AHCTF1: variants seen among roughly 807,000 people sequenced by gnomAD.
The protein encoded by AHCTF1 is protein ELYS.
AHCTF1 carries 24 observed loss-of-function variants against 248.4 expected under a neutral mutation model. That is an observed-to-expected ratio of 0.10 (90% CI 0.07 to 0.14). The LOEUF (loss-of-function observed/expected upper bound fraction) is 0.14. AHCTF1 is among the 10% of genes least tolerant of loss of function. The probability of loss-of-function intolerance (pLI) is 1.00; values close to 1 mark genes in which losing one functional copy is unlikely to be tolerated. For synonymous variants in AHCTF1, 786 were observed against 929.8 expected (o/e 0.85, Z 2.81); for missense variants, 2,206 against 2,636.2 (o/e 0.84, Z 3.57).
rs991038022 is a variant in AHCTF1 at position 246,900,114 on chromosome 1, A to T, written c.1383T>A (p.Pro461=). ...AAAACTGCTCGGGAGGTGGATATGA[A>T]GGAGGGACTCCTCTATTTAAACTTC... is the stretch of plus-strand genomic sequence containing the variant. ...HERSLNRGVP[P]SYPPPEQFFN... Residue 461 remains proline, a synonymous_variant, in exon 10 of 36, where the codon CCT becomes CCA. Transcript: ENST00000648844. 12 of 1,607,612 alleles carry T rather than the reference A, an allele frequency of 7.5e-6. No homozygotes were observed. Among genetic ancestry groups the T allele is most frequent in the Admixed American group, 1.7e-5 (1 of 58,524 alleles).
intron 3 of AHCTF1, among the ~76,000 whole-genome samples, chr1:246,915,436 C>A (rs1029853290): frequency 1.3e-5 from 2 of 152,094 alleles, no homozygotes; most frequent in African/African-American, 2.4e-5. Flanking sequence ...ATTCTTCCTT[C>A]CCCTCATCCC....
chr1:246,874,535 G>C (rs1280429188), intron 24 of AHCTF1, among the ~76,000 whole-genome samples: 3 of 152,134 alleles, frequency 2.0e-5, no homozygotes, highest in Admixed American at 1.3e-4. Context: ...ACTTGACATG[G>C]TGGTCATGAA....
chr1:246,877,413 T>C, intron 21 of AHCTF1, 111 bp from the exon 22 acceptor site: 1 of 1,192,764 alleles, frequency 8.4e-7, no homozygotes, highest in East Asian at 2.7e-5. Flanking sequence ...TCTTTATAAA[T>C]AATTGAAAAG....
At position 246,849,837 on chromosome 1, in the gene AHCTF1, G is replaced by T. The variant is rs1340435375; in HGVS notation, c.6169C>A (p.Gln2057Lys). ...KLTKKTESQS[Q>K]KRSLHSVSEE... Reference sequence around the variant, plus strand: ...GATACTGAGTGCAATGAACGTTTTTGGCTTTGACTTTCAGTCTTTTTTGTA... The same window carrying T: ...GATACTGAGTGCAATGAACGTTTTTTGCTTTGACTTTCAGTCTTTTTTGTA... The change falls in exon 33 of 36, where the codon CAA becomes AAA. Residue 2057 changes from glutamine to lysine, a missense_variant. By Grantham distance (53) the Gln-to-Lys change is moderately conservative. Transcript: ENST00000648844. 2.5e-6 allele frequency: 4 copies of T among 1,613,802 alleles called. No individual in the cohort carries two copies. The highest frequency in any genetic ancestry group is 3.4e-6 in the Non-Finnish European group (4 of 1,179,850).
chr1:246,890,924 A>C (rs1224234976), intron 16 of AHCTF1, 32 bp downstream of exon 16: 1 of 1,316,340 alleles, frequency 7.6e-7, no homozygotes, highest in African/African-American at 1.5e-5. Context: ...GAATGTTTTA[A>C]TTAATACTTA....
In AHCTF1 at chr1:246,931,580, G is replaced by C. The variant is rs1667365900; in HGVS notation, c.-10C>G. The C allele has an allele frequency of 5.4e-6, 1 of 185,698 alleles. No homozygotes were observed. 11.5% of individuals were successfully genotyped at this position (185,698 alleles called of 1,614,324 possible). ...CCCCCTCCCTCCCTTCCCCCTACCT[G>C]AACGGGGCGGGTGAGCGCGCCGCCG... On this transcript the variant is annotated splice_region_variant and 5_prime_UTR_variant, in exon 1 of 36. Transcript: ENST00000648844.
chr1:246,894,021 T>C (rs1664396286), intron 14 of AHCTF1, among the ~76,000 whole-genome samples: 1 of 152,026 alleles, frequency 6.6e-6, no homozygotes, highest in African/African-American at 2.4e-5. Context: ...CTAGGCAATA[T>C]AGTGAGACCA....
intron 27 of AHCTF1, among the ~76,000 whole-genome samples, 156 bp downstream of exon 27, chr1:246,863,768 C>T (rs940829901): frequency 2.6e-5 from 4 of 152,150 alleles, no homozygotes; most frequent in African/African-American, 9.7e-5. Context: ...TTAATTAGCT[C>T]CGTTTTTAGA....
rs1163931007 is a variant in AHCTF1 at position 246,884,128 on chromosome 1, AAC to A, written c.2660+1363_2660+1364del. Among the ~76,000 whole-genome samples the A allele has an allele frequency of 7.9e-5, 12 of 152,332 alleles. No individual in the cohort carries two copies. The South Asian group carries it at 2.5e-3, about 32-fold the overall frequency. The stretch of plus-strand genomic sequence containing the variant: ...ACTAGAACTCTTAACCCATTTATTC[AAC>A]AGTTACCACATTTAGCTTCTTTATT... On this transcript the variant is annotated intron_variant, in intron 21 of 35. Coordinates refer to ENST00000648844, the MANE Select transcript of AHCTF1 (RefSeq NM_001323342.2).
At chr1:246,844,290 C>G (rs1389877658) in intron 33 of AHCTF1, among the ~76,000 whole-genome samples, 1 of 152,210 alleles carries the variant, frequency 6.6e-6, no homozygotes, top group East Asian at 1.9e-4. Flanking sequence ...CTGAGCTAGT[C>G]TGTGCCATAA....
intron 33 of AHCTF1, among the ~76,000 whole-genome samples, chr1:246,845,047 G>C (rs187287311): frequency 4.9e-4 from 74 of 152,046 alleles, no homozygotes; most frequent in Middle Eastern, 3.4e-3. Context: ...TGTGTGGCAG[G>C]GTAGGTGGTA....
intron 3 of AHCTF1, 105 bp from the exon 4 acceptor site, chr1:246,913,517 GAC>G (rs1665947448): frequency 9.1e-7 from 1 of 1,098,920 alleles, no homozygotes; most frequent in Non-Finnish European, 1.3e-6. Context: ...ATAGATTTAA[GAC>G]TATAGAGTAA....
intron 14 of AHCTF1, among the ~76,000 whole-genome samples, chr1:246,892,948 T>C (rs1190595607): frequency 6.6e-6 from 1 of 152,120 alleles, no homozygotes; most frequent in East Asian, 1.9e-4. Flanking sequence ...ACCTAATCTC[T>C]AATACTTTTA....
At chr1:246,905,902 A>C (rs886638666) in intron 5 of AHCTF1, among the ~76,000 whole-genome samples, 6 of 152,304 alleles carry the variant, frequency 3.9e-5, no homozygotes, top group South Asian at 2.1e-4. Flanking sequence ...AAGCGGATGC[A>C]TTTATGTGTG....
chr1:246,841,297 C>T (rs75564165), intron 35 of AHCTF1, among the ~76,000 whole-genome samples: 1 of 152,276 alleles, frequency 6.6e-6, no homozygotes, highest in Non-Finnish European at 1.5e-5. Context: ...TGCTGGATTA[C>T]AAGGACGGGC....
rs539072857 is a variant in AHCTF1 at position 246,848,608 on chromosome 1, G to A, written c.6391+1007C>T. 6.7e-5 allele frequency among the ~76,000 whole-genome samples: 10 copies of A among 149,818 alleles called. No homozygotes were observed. In the East Asian group the frequency reaches 2.1e-3, roughly 31 times the overall value. On this transcript the variant is annotated intron_variant, in intron 33 of 35. Coordinates refer to ENST00000648844, the MANE Select transcript of AHCTF1 (RefSeq NM_001323342.2). ...TGGCTGGGTGTGGTGGCTCACGCCTGTAATCCCAACACTTTGGGAGGCTGG... is the reference window on the plus strand; with the variant it reads ...TGGCTGGGTGTGGTGGCTCACGCCTATAATCCCAACACTTTGGGAGGCTGG...
chr1:246,848,518 T>C (rs1660454301), intron 33 of AHCTF1, among the ~76,000 whole-genome samples: 2 of 151,710 alleles, frequency 1.3e-5, no homozygotes, highest in African/African-American at 2.4e-5. Flanking sequence ...CTACTTTATT[T>C]ATAAGGTCCT....
At chr1:246,909,071 A>ATATATC (rs1001809040) in intron 4 of AHCTF1, among the ~76,000 whole-genome samples, 5 of 133,750 alleles carry the variant, frequency 3.7e-5, no homozygotes, top group East Asian at 2.1e-4. Flanking sequence ...CTATATCTAT[A>ATATATC]TATATCTATA....
At chr1:246,904,129 C>A in intron 6 of AHCTF1, 96 bp from the exon 7 acceptor site, 1 of 1,006,286 alleles carries the variant, frequency 9.9e-7, no homozygotes, top group Admixed American at 2.2e-5. Flanking sequence ...ATGTTGAGTG[C>A]ATGTGACAAA....
Sources: allele counts gnomAD v4.1 joint callset (sites outside exome capture counted in the v4.1 genomes callset), GRCh38; gene constraint gnomAD v4.1.1; transcripts MANE v1.5; gene names NCBI Gene and HGNC (gene_info 2026-07-23, HGNC 2026-07-21).